The following LRP1B variants were observed in gnomAD, a reference collection of about 807,000 sequenced individuals.
LRP1B encodes low-density lipoprotein receptor-related protein 1B.
In LRP1B, 217 loss-of-function variants were observed where a neutral mutation model predicts 556.6. The observed-to-expected ratio is 0.39, with a 90% confidence interval of 0.35 to 0.44. The LOEUF (loss-of-function observed/expected upper bound fraction) is 0.44. Ranked by LOEUF, LRP1B falls within the 20% of genes least tolerant of loss-of-function variation. The pLI is 1.00. For missense variants in LRP1B, 5,053 were observed against 5,620.8 expected (o/e 0.90, Z 3.23); for synonymous variants, 2,047 against 1,865.8 (o/e 1.10, Z -2.50).
chr2:141,128,669 G>A (rs941283783), intron 7 of LRP1B, among the ~76,000 whole-genome samples: 6 of 151,672 alleles, frequency 4.0e-5, no homozygotes, highest in Non-Finnish European at 8.8e-5. Flanking sequence ...TGCCCAGGCT[G>A]GAGTGCGATG....
intron 3 of LRP1B, among the ~76,000 whole-genome samples, chr2:141,308,238 G>A (rs1686674055): frequency 6.6e-6 from 1 of 152,112 alleles, no homozygotes; most frequent in African/African-American, 2.4e-5. Context: ...ACTGGTGACT[G>A]AGAATAAAGC....
chr2:141,311,329 C>A (rs1686806097), intron 3 of LRP1B, among the ~76,000 whole-genome samples: 1 of 152,156 alleles, frequency 6.6e-6, no homozygotes, highest in African/African-American at 2.4e-5. Context: ...TCAAATGAAT[C>A]CCCTCTAAAG....
At chr2:141,539,956 A>G (rs1020635766) in intron 2 of LRP1B, among the ~76,000 whole-genome samples, 2 of 152,114 alleles carry the variant, frequency 1.3e-5, no homozygotes, top group Admixed American at 1.3e-4. Context: ...TGAAATAGAA[A>G]GAGCCTTTCA....
intron 68 of LRP1B, among the ~76,000 whole-genome samples, chr2:140,373,491 TA>T (rs879385686): frequency 1.7e-3 from 255 of 151,834 alleles, no homozygotes; most frequent in African/African-American, 2.2e-3. Flanking sequence ...AAAAAACGGA[TA>T]AAAAAAAATT....
At chr2:141,873,127 A>G (rs1387952533) in intron 1 of LRP1B, among the ~76,000 whole-genome samples, 1 of 152,020 alleles carries the variant, frequency 6.6e-6, no homozygotes, top group Non-Finnish European at 1.5e-5. Flanking sequence ...ATATGCTATT[A>G]CATGTTTTGA....
intron 41 of LRP1B, among the ~76,000 whole-genome samples, chr2:140,611,555 T>C (rs1370320936): frequency 6.6e-6 from 1 of 152,068 alleles, no homozygotes; most frequent in Non-Finnish European, 1.5e-5. Flanking sequence ...TAGAAAGAGT[T>C]TGGTTGTTTA....
intron 2 of LRP1B, among the ~76,000 whole-genome samples, chr2:141,731,636 C>G (rs1693276863): frequency 6.6e-6 from 1 of 152,124 alleles, no homozygotes; most frequent in African/African-American, 2.4e-5. Flanking sequence ...CACAGCCTTT[C>G]CAGCATTACA....
intron 2 of LRP1B, among the ~76,000 whole-genome samples, chr2:141,598,971 C>A (rs1319757038): frequency 6.7e-6 from 1 of 150,320 alleles, no homozygotes; most frequent in Non-Finnish European, 1.5e-5. Context: ...CTGACTGTGG[C>A]CCTCTCAAAT....
intron 2 of LRP1B, among the ~76,000 whole-genome samples, chr2:141,645,712 C>A (rs1256689748): frequency 6.6e-6 from 1 of 151,626 alleles, no homozygotes; most frequent in African/African-American, 2.4e-5. Flanking sequence ...TAGATAAGTC[C>A]TTAGAGACTG....
rs577958807 is a variant in LRP1B at position 140,576,858 on chromosome 2, C to T, written c.7194+21773G>A. 2.0e-5 allele frequency among the ~76,000 whole-genome samples: 3 copies of T among 152,304 alleles called. No homozygotes were observed. In the East Asian group the frequency reaches 5.8e-4, roughly 29 times the overall value. ...CTTCCAAAAGTAAACACATTGAAGT[C>T]TCTCTCCTTTCTTACAGGCTTCCAT... is the stretch of plus-strand genomic sequence containing the variant. On this transcript the variant is annotated intron_variant, in intron 43 of 90. Coordinates refer to ENST00000389484, the MANE Select transcript of LRP1B (RefSeq NM_018557.3).
At chr2:141,629,918 C>T (rs1055227903) in intron 2 of LRP1B, among the ~76,000 whole-genome samples, 1 of 152,026 alleles carries the variant, frequency 6.6e-6, no homozygotes, top group South Asian at 2.1e-4. Flanking sequence ...AAGTCACTAA[C>T]AAGCTGAGAG....
In LRP1B at chr2:140,721,611, G is replaced by A. The variant is rs184170164; in HGVS notation, c.5759-4795C>T. ...CGCCCAGCCTGGAGTGCAGTGGTGC[G>A]ATCTTGGCTCACTGCAAGCTCCGCC... On this transcript the variant is annotated intron_variant, in intron 35 of 90. Coordinates refer to ENST00000389484, the MANE Select transcript of LRP1B (RefSeq NM_018557.3). Among the ~76,000 whole-genome samples, 927 of 130,606 alleles carry A rather than the reference G, an allele frequency of 7.1e-3. 5 individuals are homozygous for A. Among genetic ancestry groups the A allele is most frequent in the African/African-American group, 0.026 (884 of 34,356 alleles). The allele number at this position is 130,606 out of a possible 152,430, so 85.7% of individuals were successfully genotyped here.
chr2:140,481,581 A>T (rs756521114), intron 59 of LRP1B, among the ~76,000 whole-genome samples: 12 of 94,902 alleles, frequency 1.3e-4, no homozygotes, highest in Non-Finnish European at 1.5e-4. Flanking sequence ...AGCCATCTTT[A>T]TTATTATTAT....
intron 2 of LRP1B, among the ~76,000 whole-genome samples, chr2:141,751,283 C>T (rs1171991890): frequency 6.6e-6 from 1 of 151,590 alleles, no homozygotes; most frequent in East Asian, 1.9e-4. Flanking sequence ...TTAAAAATTT[C>T]AGAAAAAAAG....
At chr2:140,455,369 G>A (rs1411739894) in intron 62 of LRP1B, among the ~76,000 whole-genome samples, 1 of 152,082 alleles carries the variant, frequency 6.6e-6, no homozygotes, top group Non-Finnish European at 1.5e-5. Context: ...CTGCAGTATA[G>A]GGCAAGAGTA....
chr2:141,272,973 T>C (rs1490132993), intron 3 of LRP1B, among the ~76,000 whole-genome samples: 3 of 152,198 alleles, frequency 2.0e-5, no homozygotes, highest in Admixed American at 1.3e-4. Context: ...CTAGACCTAG[T>C]TGACATCTAC....
At chr2:141,687,777 C>A (rs1432453824) in intron 2 of LRP1B, among the ~76,000 whole-genome samples, 1 of 151,852 alleles carries the variant, frequency 6.6e-6, no homozygotes, top group African/African-American at 2.4e-5. Context: ...CTGAAATAAT[C>A]AATTCTACCA....
At chr2:141,740,673 G>A (rs528138484) in intron 2 of LRP1B, among the ~76,000 whole-genome samples, 4 of 152,098 alleles carry the variant, frequency 2.6e-5, no homozygotes, top group South Asian at 4.2e-4. Context: ...TACCAAATAC[G>A]AGGTCTTATT....
chr2:141,628,983 C>T (rs769601300), intron 2 of LRP1B, among the ~76,000 whole-genome samples: 3 of 152,148 alleles, frequency 2.0e-5, no homozygotes, highest in Non-Finnish European at 1.5e-5. Flanking sequence ...AGATACATTA[C>T]TGCCTTTAAT....
Sources: gnomAD v4.1 joint callset for allele counts (sites outside exome capture counted in the v4.1 genomes callset) on GRCh38, gnomAD v4.1.1 for gene constraint, MANE v1.5 for transcripts, NCBI Gene and HGNC (gene_info 2026-07-23, HGNC 2026-07-21) for gene names.